The following SUPT3H variants were observed in gnomAD, a reference collection of about 807,000 sequenced individuals.
SUPT3H encodes SPT3 homolog, SAGA and STAGA complex component.
A neutral mutation model predicts 44.3 loss-of-function variants in SUPT3H; 44 were observed. The observed-to-expected ratio is 0.99, with a 90% confidence interval of 0.78 to 1.28. SUPT3H has a LOEUF of 1.28. Among genes scored for constraint, SUPT3H ranks in the 50% most tolerant of loss-of-function variants. SUPT3H has a pLI of 0.00. For synonymous variants in SUPT3H, 124 were observed against 125.6 expected (o/e 0.99, Z 0.09); for missense variants, 380 against 387.1 (o/e 0.98, Z 0.15).
rs1227537707 is a variant in SUPT3H at position 45,149,660 on chromosome 6, T to C, written c.102-43654A>G. On this transcript the variant is annotated intron_variant, in intron 2 of 10. Transcript: ENST00000371459. ...GAACTCACATCAATGTCTTTAAATG[T>C]AGTATAAACCAGGAATCAAAGTAAG... Among the ~76,000 whole-genome samples, 4 of 152,164 alleles carry C rather than the reference T, an allele frequency of 2.6e-5. No individual in the cohort carries two copies. The East Asian group carries it at 5.8e-4, about 22-fold the overall frequency.
At chr6:44,870,532 G>A (rs1299815873) in intron 10 of SUPT3H, among the ~76,000 whole-genome samples, 2 of 150,706 alleles carry the variant, frequency 1.3e-5, no homozygotes, top group South Asian at 2.1e-4. Context: ...CCAGGAGGTC[G>A]AGGCTGCAGC....
At chr6:44,859,835 T>C (rs975781328) in intron 10 of SUPT3H, among the ~76,000 whole-genome samples, 5 of 152,198 alleles carry the variant, frequency 3.3e-5, no homozygotes, top group African/African-American at 9.7e-5. Flanking sequence ...TTAACCCCAT[T>C]TCTTGTCCTT....
At chr6:45,322,901 T>G (rs371911961) in intron 2 of SUPT3H, 6 of 1,613,052 alleles carry the variant, frequency 3.7e-6, no homozygotes, top group Non-Finnish European at 5.1e-6. Context: ...AAGAACGTTG[T>G]TCCAAAGACC....
chr6:45,045,837 A>T (rs995936286), intron 3 of SUPT3H, among the ~76,000 whole-genome samples: 1 of 152,212 alleles, frequency 6.6e-6, no homozygotes, highest in African/African-American at 2.4e-5. Flanking sequence ...AGATATATGC[A>T]TCACAAATAT....
intron 2 of SUPT3H, among the ~76,000 whole-genome samples, chr6:45,118,893 A>C (rs1437522901): frequency 1.3e-5 from 2 of 152,164 alleles, no homozygotes; most frequent in African/African-American, 4.8e-5. Context: ...AGAAGTGCTT[A>C]AGCATTTCAA....
Position 45,357,156 on chromosome 6 carries a change from G to A in SUPT3H, c.101+8045C>T, listed in dbSNP as rs12213644. Among the ~76,000 whole-genome samples, 8 of 151,692 alleles carry A rather than the reference G, an allele frequency of 5.3e-5. 1 individual carries two copies. The highest frequency in any genetic ancestry group is 5.9e-5 in the Non-Finnish European group (4 of 67,908). The stretch of plus-strand genomic sequence containing the variant: ...AGAGTAGCTGGGACTACAGGCACCC[G>A]CCACCAAGCCTGGCTAATTTTTTTG... On this transcript the variant is annotated intron_variant, in intron 2 of 10. Transcript: ENST00000371459.
intron 5 of SUPT3H, among the ~76,000 whole-genome samples, chr6:45,009,303 CTT>C (rs1783141835): frequency 6.6e-6 from 1 of 152,230 alleles, no homozygotes; most frequent in Admixed American, 6.6e-5. Flanking sequence ...ATTGTTTTGA[CTT>C]TGAAATAATT....
chr6:45,158,298 A>ATATATATTTTTT, intron 2 of SUPT3H, among the ~76,000 whole-genome samples: 7 of 99,694 alleles, frequency 7.0e-5, no homozygotes, highest in African/African-American at 3.0e-4. Context: ...ATATATATAT[A>ATATATATTTTTT]TTTTTTTTTT....
chr6:45,253,150 A>G (rs1772681186), intron 2 of SUPT3H, among the ~76,000 whole-genome samples: 2 of 152,216 alleles, frequency 1.3e-5, no homozygotes, highest in Admixed American at 1.3e-4. Context: ...ATTATTTCAA[A>G]TAATAAACTA....
intron 10 of SUPT3H, among the ~76,000 whole-genome samples, chr6:44,865,769 G>A (rs1283115886): frequency 6.6e-6 from 1 of 152,128 alleles, no homozygotes; most frequent in African/African-American, 2.4e-5. Flanking sequence ...ACCATACCAG[G>A]AGCCTTAGAG....
intron 3 of SUPT3H, among the ~76,000 whole-genome samples, chr6:45,067,617 GA>G (rs1216080889): frequency 0.037 from 5,455 of 147,104 alleles, 139 homozygotes; most frequent in Middle Eastern, 0.062. Flanking sequence ...AAATTTACAA[GA>G]AAAAAAAAAC....
intron 10 of SUPT3H, among the ~76,000 whole-genome samples, chr6:44,907,753 A>G (rs1001728675): frequency 3.9e-5 from 6 of 152,108 alleles, no homozygotes; most frequent in African/African-American, 1.4e-4. Context: ...TTGGAAGGTG[A>G]TATTTTTCAT....
intron 2 of SUPT3H, among the ~76,000 whole-genome samples, chr6:45,288,923 G>A (rs942180971): frequency 1.3e-5 from 2 of 151,790 alleles, no homozygotes; most frequent in South Asian, 2.1e-4. Context: ...AATTACATGA[G>A]ACGAGGTCCT....
Position 44,951,991 on chromosome 6 carries a change from T to A in SUPT3H, c.801+1319A>T, listed in dbSNP as rs545155868. 3.3e-5 allele frequency among the ~76,000 whole-genome samples: 5 copies of A among 152,218 alleles called. No individual in the cohort carries two copies. The East Asian group carries it at 7.7e-4, about 23-fold the overall frequency. On this transcript the variant is annotated intron_variant, in intron 9 of 10. Coordinates refer to ENST00000371459, the MANE Select transcript of SUPT3H (RefSeq NM_003599.4). ...AGAAAACAAATAGTGATTAATCAAC[T>A]AAGTAAGCTTTAGGGACTTTTGTAT...
intron 2 of SUPT3H, among the ~76,000 whole-genome samples, chr6:45,135,510 A>C (rs1285010): frequency 0.87 from 132,325 of 152,174 alleles, 57,778 homozygotes; most frequent in African/African-American, 0.91. Flanking sequence ...ATAGAAATTT[A>C]TTCCACCACA....
At chr6:45,250,071 C>G (rs752840818) in intron 2 of SUPT3H, among the ~76,000 whole-genome samples, 1 of 152,140 alleles carries the variant, frequency 6.6e-6, no homozygotes, top group African/African-American at 2.4e-5. Context: ...CAGATCTCTA[C>G]CTGGTCATCC....
At chr6:45,015,619 T>C (rs1182605916) in intron 4 of SUPT3H, among the ~76,000 whole-genome samples, 2 of 152,248 alleles carry the variant, frequency 1.3e-5, no homozygotes, top group Admixed American at 6.6e-5. Flanking sequence ...CTTTATAGAC[T>C]TAATTTAAAA....
At chr6:45,238,228 G>T (rs1238749309) in intron 2 of SUPT3H, among the ~76,000 whole-genome samples, 1 of 152,126 alleles carries the variant, frequency 6.6e-6, no homozygotes, top group Non-Finnish European at 1.5e-5. Flanking sequence ...ATGATCACTT[G>T]CAAAATTCGA....
downstream of SUPT3H, among the ~76,000 whole-genome samples, chr6:44,823,060 G>C (rs951745622): frequency 1.4e-5 from 2 of 145,438 alleles, no homozygotes; most frequent in African/African-American, 5.1e-5. Context: ...GGAGGTTCCT[G>C]TGAGCCACTT....
Sources: gnomAD v4.1 joint callset for allele counts (sites outside exome capture counted in the v4.1 genomes callset) on GRCh38, gnomAD v4.1.1 for gene constraint, MANE v1.5 for transcripts, NCBI Gene and HGNC (gene_info 2026-07-23, HGNC 2026-07-21) for gene names.